Variants in DOCK3 observed in about 807,000 individuals in gnomAD.
The protein encoded by DOCK3 is dedicator of cytokinesis 3.
A neutral mutation model predicts 265.6 loss-of-function variants in DOCK3; 60 were observed. The ratio of observed to expected loss-of-function variants is 0.23; its 90% CI spans 0.18 to 0.28. DOCK3 has a LOEUF of 0.28. Ranked by LOEUF, DOCK3 falls within the 10% of genes least tolerant of loss-of-function variation. DOCK3 has a pLI of 1.00. For missense variants in DOCK3, 1,981 were observed against 2,594.3 expected (o/e 0.76, Z 5.14); for synonymous variants, 881 against 938.0 (o/e 0.94, Z 1.11).
chr3:51,284,140 T>G (rs2081286721), intron 27 of DOCK3, among the ~76,000 whole-genome samples: 2 of 152,092 alleles, frequency 1.3e-5, no homozygotes, highest in Non-Finnish European at 2.9e-5. Context: ...TGTCCACATA[T>G]TGAGTGCTCC....
chr3:51,145,195 G>C (rs2085242824), intron 9 of DOCK3, among the ~76,000 whole-genome samples: 1 of 151,802 alleles, frequency 6.6e-6, no homozygotes, highest in African/African-American at 2.4e-5. Context: ...TTTATAAGTT[G>C]CTGTAACATT....
At chr3:50,905,819 C>G (rs1029124852) in intron 4 of DOCK3, among the ~76,000 whole-genome samples, 25 of 152,000 alleles carry the variant, frequency 1.6e-4, no homozygotes, top group East Asian at 5.8e-4. Context: ...AGTGGTGAGA[C>G]AGGGCATCCC....
intron 19 of DOCK3, among the ~76,000 whole-genome samples, chr3:51,231,410 T>G (rs975342795): frequency 2.0e-5 from 3 of 152,122 alleles, no homozygotes; most frequent in Non-Finnish European, 4.4e-5. Context: ...ATTACAGAAG[T>G]GAGCCACCAC....
intron 5 of DOCK3, among the ~76,000 whole-genome samples, chr3:51,032,957 A>G (rs1368747241): frequency 2.6e-5 from 4 of 152,172 alleles, no homozygotes; most frequent in Non-Finnish European, 5.9e-5. Flanking sequence ...AATAAGCTCC[A>G]TCAAGTTTAG....
At chr3:51,208,129 G>A (rs930167715) in intron 12 of DOCK3, among the ~76,000 whole-genome samples, 1 of 152,172 alleles carries the variant, frequency 6.6e-6, no homozygotes, top group African/African-American at 2.4e-5. Flanking sequence ...TTCCAAGGAA[G>A]GAGCTTTATT....
chr3:51,090,484 A>T, intron 9 of DOCK3, 100 bp downstream of exon 9: 1 of 1,267,200 alleles, frequency 7.9e-7, no homozygotes. Context: ...GAAGAGGCAA[A>T]ACAAGATAAA....
At chr3:50,866,483 T>A (rs1267145872) in intron 3 of DOCK3, among the ~76,000 whole-genome samples, 1 of 151,864 alleles carries the variant, frequency 6.6e-6, no homozygotes, top group Non-Finnish European at 1.5e-5. Context: ...GACTCTTTTT[T>A]TTTTTTTTTT....
chr3:50,782,737 C>T lies in DOCK3; in HGVS notation c.121+3979C>T, dbSNP rs187153581. On this transcript the variant is annotated intron_variant, in intron 2 of 52. Transcript: ENST00000266037. Reference sequence around the variant, plus strand: ...CTGAGATTTTGGTGCACCCATCACCCGAGCAGTGTACACTGTACCCAATGT... The same window carrying T: ...CTGAGATTTTGGTGCACCCATCACCTGAGCAGTGTACACTGTACCCAATGT... 3.8e-3 allele frequency among the ~76,000 whole-genome samples: 582 copies of T among 151,956 alleles called. 2 individuals carry two copies. Among genetic ancestry groups the T allele is most frequent in the Non-Finnish European group, 6.8e-3 (465 of 67,960 alleles).
chr3:50,957,618 A>G (rs1355945161), intron 5 of DOCK3, among the ~76,000 whole-genome samples: 4 of 152,230 alleles, frequency 2.6e-5, no homozygotes, highest in African/African-American at 9.6e-5. Flanking sequence ...CAAACGTTTC[A>G]TGGAGGAATT....
intron 22 of DOCK3, among the ~76,000 whole-genome samples, chr3:51,255,442 G>A (rs2079494000): frequency 6.6e-6 from 1 of 152,178 alleles, no homozygotes; most frequent in East Asian, 1.9e-4. Flanking sequence ...AGTTCTCCTG[G>A]ATAATATCCT....
chr3:51,336,350 T>TTG (rs1255521398), intron 35 of DOCK3, among the ~76,000 whole-genome samples: 6 of 152,150 alleles, frequency 3.9e-5, no homozygotes, highest in Middle Eastern at 3.4e-3. Flanking sequence ...GTTTTTTTTT[T>TTG]TGTGCCTGGA....
chr3:51,379,985 GAGGTTTATCC>G, intron 51 of DOCK3, 130 bp from the exon 52 acceptor site: 1 of 640,868 alleles, frequency 1.6e-6, no homozygotes, highest in Non-Finnish European at 2.6e-6. Flanking sequence ...AGTGTAAAGA[GAGGTTTATCC>G]ATAGCCCTCA....
chr3:50,883,840 T>C (rs1239028200), intron 3 of DOCK3, among the ~76,000 whole-genome samples: 2 of 152,174 alleles, frequency 1.3e-5, no homozygotes, highest in Non-Finnish European at 2.9e-5. Flanking sequence ...TCAAAATGTT[T>C]TCATTTCCAC....
chr3:50,826,130 T>C (rs1403757679), intron 2 of DOCK3, among the ~76,000 whole-genome samples: 5 of 152,024 alleles, frequency 3.3e-5, no homozygotes, highest in Non-Finnish European at 7.4e-5. Context: ...TCCTTATAGA[T>C]CTGTATTCTT....
intron 12 of DOCK3, among the ~76,000 whole-genome samples, chr3:51,175,868 G>T (rs757806478): frequency 6.6e-6 from 1 of 152,054 alleles, no homozygotes; most frequent in Non-Finnish European, 1.5e-5. Flanking sequence ...TCCTTGTCTA[G>T]ACCTTCCCAT....
chr3:50,695,799 TAAAAG>T (rs1326162138), intron 1 of DOCK3, among the ~76,000 whole-genome samples: 5 of 152,260 alleles, frequency 3.3e-5, no homozygotes, highest in Middle Eastern at 3.4e-3. Flanking sequence ...CACCATCTGT[TAAAAG>T]AAAAACTTCA....
At chr3:50,935,026 TTCTC>T (rs140173505) in intron 5 of DOCK3, among the ~76,000 whole-genome samples, 4 of 151,902 alleles carry the variant, frequency 2.6e-5, no homozygotes, top group African/African-American at 7.3e-5. Flanking sequence ...ATCAAATGAA[TTCTC>T]TCTCTCTCTC....
chr3:51,376,025 C>T (rs1232313574), intron 51 of DOCK3, among the ~76,000 whole-genome samples, 190 bp downstream of exon 51: 2 of 152,194 alleles, frequency 1.3e-5, no homozygotes, highest in Non-Finnish European at 2.9e-5. Context: ...AGGTTTATAT[C>T]CTGTATCCCT....
chr3:50,814,400 G>A (rs993777412), intron 2 of DOCK3, among the ~76,000 whole-genome samples: 2 of 150,576 alleles, frequency 1.3e-5, no homozygotes, highest in African/African-American at 4.9e-5. Context: ...CTGAGTAGCC[G>A]GGACTACAGG....
Sources: allele counts gnomAD v4.1 joint callset (sites outside exome capture counted in the v4.1 genomes callset), GRCh38; gene constraint gnomAD v4.1.1; transcripts MANE v1.5; gene names NCBI Gene and HGNC (gene_info 2026-07-23, HGNC 2026-07-21).